The following DTD1 variants were observed in gnomAD, a reference collection of about 807,000 sequenced individuals.
The protein encoded by DTD1 is D-tyrosyl-tRNA deacylase 1 homolog.
A neutral mutation model predicts 25.6 loss-of-function variants in DTD1; 13 were observed. That is an observed-to-expected ratio of 0.51 (90% CI 0.33 to 0.81). The LOEUF is 0.81. DTD1 is among the 30% of genes least tolerant of loss of function. The probability of loss-of-function intolerance (pLI) is 0.02; values close to 1 mark genes in which losing one functional copy is unlikely to be tolerated. For synonymous variants in DTD1, 110 were observed against 103.6 expected, an observed-to-expected ratio of 1.06 and a Z score of -0.37; for missense variants, 193 against 266.4, an observed-to-expected ratio of 0.72 and a Z score of 1.92.
chr20:18,755,465 T>G lies in DTD1; in HGVS notation c.*20-7895T>G, dbSNP rs572055650. On this transcript the variant is annotated intron_variant, in intron 5 of 5. Transcript: ENST00000377452. The stretch of plus-strand genomic sequence containing the variant: ...CCCCAGTGTGTGATGTTCCCCTTCC[T>G]GTGTCCATGTGTTCTCATTGTTCAG... Among the ~76,000 whole-genome samples, 195 of 152,186 alleles carry G rather than the reference T, an allele frequency of 1.3e-3. 1 individual carries two copies. The highest frequency in any genetic ancestry group is 4.6e-3 in the African/African-American group (191 of 41,540).
chr20:18,707,355 A>G (rs2061130700), intron 4 of DTD1, among the ~76,000 whole-genome samples: 1 of 152,174 alleles, frequency 6.6e-6, no homozygotes, highest in African/African-American at 2.4e-5. Flanking sequence ...TTGTTTAAGT[A>G]AAGCAACCCT....
At chr20:18,700,975 C>T (rs1479498435) in intron 4 of DTD1, among the ~76,000 whole-genome samples, 3 of 152,290 alleles carry the variant, frequency 2.0e-5, no homozygotes, top group Middle Eastern at 3.4e-3. Context: ...GCTGTTTTCC[C>T]ATAGTGTTTT....
At chr20:18,755,209 A>C (rs1600224887) in intron 5 of DTD1, among the ~76,000 whole-genome samples, 1 of 152,214 alleles carries the variant, frequency 6.6e-6, no homozygotes, top group East Asian at 1.9e-4. Flanking sequence ...AAAATATCAA[A>C]AATGCCAAAA....
intron 4 of DTD1, among the ~76,000 whole-genome samples, chr20:18,636,378 G>T (rs1030372873): frequency 6.6e-6 from 1 of 152,188 alleles, no homozygotes; most frequent in Non-Finnish European, 1.5e-5. Context: ...AAAATGTTCT[G>T]CCAGTCAGTG....
chr20:18,635,997 C>T (rs1700336528), intron 4 of DTD1, among the ~76,000 whole-genome samples: 1 of 152,190 alleles, frequency 6.6e-6, no homozygotes, highest in Non-Finnish European at 1.5e-5. Context: ...TAATCTCCAA[C>T]CAGAGCAAAA....
At chr20:18,684,697 G>T (rs1236970487) in intron 4 of DTD1, among the ~76,000 whole-genome samples, 1 of 151,988 alleles carries the variant, frequency 6.6e-6, no homozygotes, top group Non-Finnish European at 1.5e-5. Context: ...AGATTTCAAG[G>T]TGGTGATTTG....
At chr20:18,642,132 G>T (rs1340288105) in intron 4 of DTD1, among the ~76,000 whole-genome samples, 1 of 152,140 alleles carries the variant, frequency 6.6e-6, no homozygotes, top group Non-Finnish European at 1.5e-5. Flanking sequence ...AGAGTAAGTT[G>T]TTGGCCTGAT....
intron 4 of DTD1, among the ~76,000 whole-genome samples, chr20:18,716,287 G>A (rs914910420): frequency 6.6e-6 from 1 of 152,196 alleles, no homozygotes; most frequent in African/African-American, 2.4e-5. Context: ...CCAGAAAGGG[G>A]AAATAATGTT....
chr20:18,708,872 A>G (rs1269055849), intron 4 of DTD1, among the ~76,000 whole-genome samples: 2 of 152,120 alleles, frequency 1.3e-5, no homozygotes, highest in South Asian at 2.1e-4. Flanking sequence ...ACCTCCTGTC[A>G]TCTCCATCAG....
At chr20:18,668,628 A>C (rs1211428050) in intron 4 of DTD1, among the ~76,000 whole-genome samples, 1 of 152,144 alleles carries the variant, frequency 6.6e-6, no homozygotes, top group Non-Finnish European at 1.5e-5. Flanking sequence ...GTCAGGGGAT[A>C]GAGACTGAGC....
At position 18,596,045 on chromosome 20, in the gene DTD1, G is replaced by C; in HGVS notation, c.174G>C (p.Glu58Asp). The C allele has an allele frequency of 4.3e-6, 7 of 1,614,092 alleles. No individual in the cohort carries two copies. Among genetic ancestry groups the C allele is most frequent in the Non-Finnish European group, 5.9e-6 (7 of 1,179,998 alleles). ...TAAACCTGCGTGTATTTGAGGATGA[G>C]AGTGGGAAGCACTGGTCGAAGAGTG... ...KILNLRVFED[E>D]SGKHWSKSVM... Residue 58 changes from glutamate to aspartate, a missense_variant, in exon 3 of 6, where the codon GAG becomes GAC. By Grantham distance (45) the Glu-to-Asp change is conservative (BLOSUM62 2). Transcript: ENST00000377452.
chr20:18,596,020 T>C lies in DTD1; in HGVS notation c.149T>C (p.Leu50Pro). The stretch of plus-strand genomic sequence containing the variant: ...TTTCCCCTTAGGGTCCGAAAGATTC[T>C]AAACCTGCGTGTATTTGAGGATGAG... ...KELEHMVRKI[L>P]NLRVFEDESG... Residue 50 changes from leucine to proline, a missense_variant, in exon 3 of 6, where the codon CTA becomes CCA. By Grantham distance (98) the Leu-to-Pro change is moderately conservative. Coordinates refer to ENST00000377452, the MANE Select transcript of DTD1 (RefSeq NM_080820.6). 2 of 1,614,184 alleles carry C rather than the reference T, an allele frequency of 1.2e-6. No homozygotes were observed. The highest frequency in any genetic ancestry group is 1.7e-4 in the Middle Eastern group (1 of 6,060).
chr20:18,724,380 T>C (rs967863301), intron 4 of DTD1, among the ~76,000 whole-genome samples: 1 of 152,172 alleles, frequency 6.6e-6, no homozygotes. Flanking sequence ...TGTGTGTGAC[T>C]TGGGGAGAGG....
intron 3 of DTD1, among the ~76,000 whole-genome samples, chr20:18,623,874 C>CTGTGTGTGTGTGTGTGTGTGTGTGTGTG (rs55984974): frequency 3.3e-4 from 47 of 143,624 alleles, no homozygotes; most frequent in Non-Finnish European, 5.1e-4. Flanking sequence ...ACAAGAAGAA[C>CTGTGTGTGTGTGTGTGTGTGTGTGTGTG]TGTGTGTGTG....
chr20:18,731,734 A>G (rs749199318), intron 4 of DTD1, among the ~76,000 whole-genome samples: 2 of 152,130 alleles, frequency 1.3e-5, no homozygotes, highest in Non-Finnish European at 2.9e-5. Context: ...ATTATTTTTA[A>G]TTGATTCAAT....
intron 3 of DTD1, among the ~76,000 whole-genome samples, chr20:18,611,960 T>A (rs1395208818): frequency 6.6e-6 from 1 of 152,024 alleles, no homozygotes; most frequent in African/African-American, 2.4e-5. Context: ...ATTCAAGTGA[T>A]TCTCATGCCT....
chr20:18,644,846 T>C (rs1176293764), intron 4 of DTD1, among the ~76,000 whole-genome samples: 1 of 152,140 alleles, frequency 6.6e-6, no homozygotes, highest in African/African-American at 2.4e-5. Context: ...GCTTACTTTA[T>C]TCAACCGTGG....
chr20:18,712,633 G>T (rs1015454806), intron 4 of DTD1, among the ~76,000 whole-genome samples: 1 of 152,042 alleles, frequency 6.6e-6, no homozygotes, highest in African/African-American at 2.4e-5. Flanking sequence ...CCTCCCACAG[G>T]CTTTTCAATA....
At chr20:18,684,098 C>T (rs911104063) in intron 4 of DTD1, among the ~76,000 whole-genome samples, 5 of 152,124 alleles carry the variant, frequency 3.3e-5, no homozygotes, top group East Asian at 3.9e-4. Context: ...GCTCTTCTCT[C>T]CTACTGGAGC....
Sources: allele counts gnomAD v4.1 joint callset (sites outside exome capture counted in the v4.1 genomes callset), GRCh38; gene constraint gnomAD v4.1.1; transcripts MANE v1.5; gene names NCBI Gene and HGNC (gene_info 2026-07-23, HGNC 2026-07-21).